Variants in DENND4C observed in about 807,000 individuals in gnomAD.
DENND4C encodes DENN domain containing 4C.
A neutral mutation model predicts 203.0 loss-of-function variants in DENND4C; 108 were observed. That is an observed-to-expected ratio of 0.53 (90% CI 0.46 to 0.62). DENND4C has a LOEUF of 0.62. Among genes scored for constraint, DENND4C ranks in the 20% least tolerant of loss-of-function variants. DENND4C has a pLI of 0.00. For synonymous variants in DENND4C, 871 were observed against 792.4 expected, an observed-to-expected ratio of 1.10 and a Z score of -1.67; for missense variants, 2,481 against 2,301.2, an observed-to-expected ratio of 1.08 and a Z score of -1.60.
chr9:19,335,168 T>G, intron 18 of DENND4C, 63 bp downstream of exon 18: 1 of 1,230,490 alleles, frequency 8.1e-7, no homozygotes. Flanking sequence ...TTGTATACCT[T>G]TAGTTATTCA....
Position 19,300,167 on chromosome 9 carries a change from T to A in DENND4C, c.1167-20T>A. 1 of 1,581,320 alleles carries A rather than the reference T, an allele frequency of 6.3e-7. No homozygotes were observed. Among genetic ancestry groups the A allele is most frequent in the Non-Finnish European group, 8.6e-7 (1 of 1,157,050 alleles). On this transcript the variant is annotated intron_variant, in intron 8 of 32. Transcript: ENST00000434457. ...GCAAAATAGTTCACAATGATCTACT[T>A]TTCTCTTTTTTTTCCCTAGTGGAGC...
intron 2 of DENND4C, among the ~76,000 whole-genome samples, chr9:19,283,966 T>C (rs957046220): frequency 1.4e-4 from 22 of 152,322 alleles, no homozygotes; most frequent in African/African-American, 5.3e-4. Context: ...TCAGATTCAT[T>C]GGCTTTCAAC....
chr9:19,276,362 G>C lies in DENND4C; in HGVS notation c.188G>C (p.Cys63Ser). ...GAAACAGTACCTGAAGGTTACACCT[G>C]TGTAGAAGCCACTCCATCAGCTCTC... The part of the protein sequence containing the change: ...AGETVPEGYT[C>S]VEATPSALQA... The change falls in exon 2 of 33, where the codon TGT becomes TCT. Residue 63 changes from cysteine (C) to serine (S), a missense_variant. Physicochemically the swap from Cys to Ser is moderately radical, Grantham distance 112. Coordinates refer to ENST00000434457, the MANE Select transcript of DENND4C (RefSeq NM_001330640.2). 3.2e-6 allele frequency: 4 copies of C among 1,232,090 alleles called. No individual in the cohort carries two copies. Among genetic ancestry groups the C allele is most frequent in the Non-Finnish European group, 4.0e-6 (4 of 987,930 alleles). The allele number at this position is 1,232,090 out of a possible 1,614,324, so 76.3% of individuals were successfully genotyped here. A position where few individuals can be genotyped will look rare whatever the true frequency, so the allele number is the denominator to read the frequency against.
At chr9:19,342,838 T>C in intron 22 of DENND4C, 59 bp downstream of exon 22, 2 of 1,299,676 alleles carry the variant, frequency 1.5e-6, no homozygotes, top group Non-Finnish European at 2.0e-6. Flanking sequence ...GACTCATATG[T>C]GTCTTTAATG....
chr9:19,287,738 T>TA (rs1835476771), intron 3 of DENND4C, among the ~76,000 whole-genome samples: 2 of 11,188 alleles, frequency 1.8e-4, no homozygotes, highest in South Asian at 0.04. Context: ...TTTGCATACT[T>TA]ATTTTTTTTT....
chr9:19,274,472 T>C (rs932161353), intron 1 of DENND4C, among the ~76,000 whole-genome samples: 1 of 152,116 alleles, frequency 6.6e-6, no homozygotes, highest in East Asian at 1.9e-4. Context: ...ATTTTGTATA[T>C]TTAGTAGAGA....
In DENND4C at chr9:19,326,090, C is replaced by T; in HGVS notation, c.2016C>T (p.Thr672=). The change falls in exon 15 of 33, where the codon ACC becomes ACT. Residue 672 remains threonine (T), a synonymous_variant. Transcript: ENST00000434457. ...DKVDFDSAED[T]RLIELDDSQK... is the part of the protein sequence containing the mutation. The stretch of plus-strand genomic sequence containing the variant: ...TTGATTTTGATTCAGCAGAAGATAC[C>T]AGATTGATAGAACTAGATGATTCAC... 6.2e-7 allele frequency: 1 copy of T among 1,611,386 alleles called. No individual in the cohort carries two copies. Among genetic ancestry groups the T allele is most frequent in the Admixed American group, 1.7e-5 (1 of 59,498 alleles).
intron 10 of DENND4C, among the ~76,000 whole-genome samples, chr9:19,310,140 T>G (rs1159976909): frequency 2.0e-5 from 3 of 152,182 alleles, no homozygotes; most frequent in African/African-American, 7.2e-5. Flanking sequence ...ATCTAGCAAC[T>G]TAGTTGAATT....
chr9:19,265,110 G>T (rs573773334), intron 1 of DENND4C, among the ~76,000 whole-genome samples: 2 of 152,102 alleles, frequency 1.3e-5, no homozygotes, highest in African/African-American at 4.8e-5. Context: ...GACCTCTTGG[G>T]CTCAGGAGAT....
At position 19,316,795 on chromosome 9, in the gene DENND4C, C is replaced by T. The variant is rs1841930518; in HGVS notation, c.1763C>T (p.Pro588Leu). Residue 588 changes from proline (P) to leucine (L), a missense_variant, in exon 12 of 33, where the codon CCT becomes CTT. By Grantham distance (98) the Pro-to-Leu change is moderately conservative. Transcript: ENST00000434457. The stretch of plus-strand genomic sequence containing the variant: ...TATCTCAGACCAATCACAGAGGCTC[C>T]TTCAAATAAAGCCACAGCTGCTGAT... The part of the protein sequence containing the change: ...RTYLRPITEA[P>L]SNKATAADSL... 6.2e-7 allele frequency: 1 copy of T among 1,613,778 alleles called. No individual in the cohort carries two copies. The highest frequency in any genetic ancestry group is 8.5e-7 in the Non-Finnish European group (1 of 1,179,958).
At chr9:19,369,141 C>T (rs947498696) in intron 30 of DENND4C, among the ~76,000 whole-genome samples, 1 of 151,890 alleles carries the variant, frequency 6.6e-6, no homozygotes, top group African/African-American at 2.4e-5. Flanking sequence ...GATCCTGTCT[C>T]CAAAAATTAA....
At chr9:19,305,144 T>A (rs1056300680) in intron 9 of DENND4C, among the ~76,000 whole-genome samples, 3 of 152,186 alleles carry the variant, frequency 2.0e-5, no homozygotes, top group Non-Finnish European at 4.4e-5. Flanking sequence ...GTGCTTATGA[T>A]CATCGTCATG....
chr9:19,329,198 G>T (rs1818534070), intron 16 of DENND4C, among the ~76,000 whole-genome samples: 1 of 152,078 alleles, frequency 6.6e-6, no homozygotes, highest in Non-Finnish European at 1.5e-5. Flanking sequence ...AAGAAAGTTT[G>T]CATCCTTTAG....
chr9:19,355,925 T>A (rs969937815), intron 26 of DENND4C, among the ~76,000 whole-genome samples: 2 of 152,146 alleles, frequency 1.3e-5, no homozygotes, highest in Non-Finnish European at 2.9e-5. Flanking sequence ...CAGGTTTAAA[T>A]TATTCTCCAT....
Position 19,324,461 on chromosome 9 carries a change from G to C in DENND4C, c.1907G>C (p.Ser636Thr), listed in dbSNP as rs749560691. ...TTCATTGAAGAATGCAGTTTTGTAA[G>C]TGATAAAGATACTGGATTAGCATTT... ...IRFIEECSFV[S>T]DKDTGLAFFD... Residue 636 changes from serine to threonine, a missense_variant, in exon 13 of 33, where the codon AGT (serine) becomes ACT (threonine). By Grantham distance (58) the Ser-to-Thr change is moderately conservative (BLOSUM62 1). Around this residue, in one of 3 missense-constraint regions of DENND4C, gnomAD observed 2,289 missense variants for 2,113.3 expected, o/e 1.08. Coordinates refer to ENST00000434457, the MANE Select transcript of DENND4C (RefSeq NM_001330640.2). 1.2e-6 allele frequency: 2 copies of C among 1,612,688 alleles called. No individual in the cohort carries two copies. Among genetic ancestry groups the C allele is most frequent in the East Asian group, 2.2e-5 (1 of 44,782 alleles).
chr9:19,255,449 G>C (rs1026114815), intron 1 of DENND4C, among the ~76,000 whole-genome samples: 3 of 151,672 alleles, frequency 2.0e-5, no homozygotes, highest in Non-Finnish European at 4.4e-5. Context: ...TCAAAATACT[G>C]TTATCTACAC....
chr9:19,322,118 G>A lies in DENND4C; in HGVS notation c.1808-2244G>A, dbSNP rs371495792. Reference sequence around the variant, plus strand: ...GGCACAAAAAACATGAAGGGAGAGCGCATACAAATTGGAAATAGTTGTGAA... The same window carrying A: ...GGCACAAAAAACATGAAGGGAGAGCACATACAAATTGGAAATAGTTGTGAA... On this transcript the variant is annotated intron_variant, in intron 12 of 32. Coordinates refer to ENST00000434457, the MANE Select transcript of DENND4C (RefSeq NM_001330640.2). Among the ~76,000 whole-genome samples the A allele has an allele frequency of 1.8e-4, 27 of 152,220 alleles. 1 individual carries two copies. In the East Asian group the frequency reaches 5.0e-3, roughly 28 times the overall value.
chr9:19,372,131 T>A lies in DENND4C; in HGVS notation c.5835T>A (p.Ser1945Arg). The change falls in exon 33 of 33, where the codon AGT becomes AGA. Residue 1945 changes from serine to arginine, a missense_variant. By Grantham distance (110) the Ser-to-Arg change is moderately radical. This residue lies in a region of DENND4C where 2,289 missense variants were observed against 2,113.3 expected (regional missense o/e 1.08). Transcript: ENST00000434457. ...AAATTGATGCTCCACCAAGTGCCAG[T>A]GTCGAGTGGTGCAGGAAGTGTTTTG... ...LQKIDAPPSA[S>R]VEWCRKCFGA... 6.2e-7 allele frequency: 1 copy of A among 1,614,100 alleles called. No homozygotes were observed. Among genetic ancestry groups the A allele is most frequent in the Non-Finnish European group, 8.5e-7 (1 of 1,179,990 alleles).
intron 1 of DENND4C, among the ~76,000 whole-genome samples, chr9:19,242,679 G>A (rs962967581): frequency 3.3e-5 from 5 of 150,868 alleles, no homozygotes; most frequent in Non-Finnish European, 5.9e-5. Flanking sequence ...TTTTTGAGAC[G>A]GAGTCTCCAT....
Sources: gnomAD v4.1 joint callset for allele counts (sites outside exome capture counted in the v4.1 genomes callset) on GRCh38, gnomAD v4.1.1 for gene constraint, gnomAD v4.1.1 regional missense constraint, MANE v1.5 for transcripts, NCBI Gene and HGNC (gene_info 2026-07-23, HGNC 2026-07-21) for gene names.